The following CHSY1 variants were observed in gnomAD, a reference collection of about 807,000 sequenced individuals.
CHSY1 encodes N-acetylgalactosaminyl-proteoglycan 3-beta-glucuronosyltransferase 1.
Under a neutral mutation model 59.8 loss-of-function variants are expected in CHSY1, and 13 were observed. The ratio of observed to expected loss-of-function variants is 0.22; its 90% CI spans 0.14 to 0.35. The LOEUF is 0.35. Ranked by LOEUF, CHSY1 falls within the 10% of genes least tolerant of loss-of-function variation. The pLI, the probability that CHSY1 is intolerant of heterozygous loss-of-function variation, is 1.00. For missense variants in CHSY1, 947 were observed against 1,030.6 expected, an observed-to-expected ratio of 0.92 and a Z score of 1.11; for synonymous variants, 459 against 401.2, an observed-to-expected ratio of 1.14 and a Z score of -1.72.
At chr15:101,231,078 T>TA (rs2038888105) in intron 2 of CHSY1, among the ~76,000 whole-genome samples, 3 of 152,144 alleles carry the variant, frequency 2.0e-5, no homozygotes, top group Admixed American at 2.0e-4. Context: ...TATGGGGCTG[T>TA]AGGGGTGGTG....
intron 1 of CHSY1, among the ~76,000 whole-genome samples, chr15:101,241,244 C>T (rs542027205): frequency 6.6e-6 from 1 of 152,198 alleles, no homozygotes; most frequent in Non-Finnish European, 1.5e-5. Flanking sequence ...GCACCTGCCA[C>T]CACGCCCAGC....
intron 2 of CHSY1, among the ~76,000 whole-genome samples, chr15:101,231,082 G>T (rs993695459): frequency 2.6e-5 from 4 of 152,098 alleles, no homozygotes; most frequent in Non-Finnish European, 5.9e-5. Flanking sequence ...GGGCTGTAGG[G>T]GTGGTGGAGG....
intron 2 of CHSY1, among the ~76,000 whole-genome samples, chr15:101,188,729 G>A (rs903923297): frequency 1.6e-4 from 25 of 152,206 alleles, no homozygotes. Context: ...AACAAAAGCT[G>A]TTGCTAGTAA....
intron 2 of CHSY1, among the ~76,000 whole-genome samples, chr15:101,185,564 C>T (rs930207177): frequency 1.3e-5 from 2 of 151,960 alleles, no homozygotes; most frequent in Admixed American, 6.6e-5. Context: ...TCCCCCTTCC[C>T]CGCCTTCCCA....
At position 101,225,289 on chromosome 15, in the gene CHSY1, AACTCCTGG is replaced by A. The variant is rs2038829709; in HGVS notation, c.816+9785_816+9792del. On this transcript the variant is annotated intron_variant, in intron 2 of 2. Transcript: ENST00000254190. ...TACTATGTTGCCCAGGCTGGTCTTG[AACTCCTGG>A]GCTCAAGTGATTCTCCCACCTTGGT... Among the ~76,000 whole-genome samples, 9 of 151,584 alleles carry A rather than the reference AACTCCTGG, an allele frequency of 5.9e-5. No individual in the cohort carries two copies. In the South Asian group the frequency reaches 1.9e-3, roughly 32 times the overall value.
At chr15:101,217,821 A>T (rs1049331134) in intron 2 of CHSY1, among the ~76,000 whole-genome samples, 3 of 152,238 alleles carry the variant, frequency 2.0e-5, no homozygotes, top group African/African-American at 7.2e-5. Flanking sequence ...TCAAGGAAGG[A>T]GAGTGTAACT....
At chr15:101,241,985 A>G (rs2039007594) in intron 1 of CHSY1, among the ~76,000 whole-genome samples, 1 of 152,208 alleles carries the variant, frequency 6.6e-6, no homozygotes, top group South Asian at 2.1e-4. Context: ...TACCTAATAC[A>G]ATGTAAATGC....
Position 101,176,007 on chromosome 15 carries a change from G to A in CHSY1, c.*1381C>T. On this transcript the variant is annotated 3_prime_UTR_variant, in exon 3 of 3. Coordinates refer to ENST00000254190, the MANE Select transcript of CHSY1 (RefSeq NM_014918.5). ...ATAATGACAGATTCATTTCACTTTTGTCCCCAAAACACATGAGCACCAAAA... is the reference window on the plus strand; with the variant it reads ...ATAATGACAGATTCATTTCACTTTTATCCCCAAAACACATGAGCACCAAAA... 2.9e-6 allele frequency: 1 copy of A among 342,872 alleles called. No individual in the cohort carries two copies. The highest frequency in any genetic ancestry group is 5.2e-6 in the Non-Finnish European group (1 of 192,170). The allele number at this position is 342,872 out of a possible 1,614,324, so 21.2% of individuals were successfully genotyped here.
At chr15:101,220,871 T>C (rs966473688) in intron 2 of CHSY1, among the ~76,000 whole-genome samples, 1 of 152,194 alleles carries the variant, frequency 6.6e-6, no homozygotes, top group Non-Finnish European at 1.5e-5. Flanking sequence ...TTCCCAGATA[T>C]GACCATGGTT....
At chr15:101,235,050 G>C in intron 2 of CHSY1, 32 bp downstream of exon 2, 4 of 1,609,822 alleles carry the variant, frequency 2.5e-6, no homozygotes, top group Non-Finnish European at 3.4e-6. Context: ...ACAAAATTAA[G>C]TTTTTCCCAT....
Position 101,181,629 on chromosome 15 carries a change from C to A in CHSY1, c.817-2649G>T, listed in dbSNP as rs141171679. On this transcript the variant is annotated intron_variant, in intron 2 of 2. Coordinates refer to ENST00000254190, the MANE Select transcript of CHSY1 (RefSeq NM_014918.5). Reference sequence around the variant, plus strand: ...GTCATGCCACAGGTTCCCCATGGGTCTGCTTGCAGAATTCTGTTCCTCCCT... The same window carrying A: ...GTCATGCCACAGGTTCCCCATGGGTATGCTTGCAGAATTCTGTTCCTCCCT... Among the ~76,000 whole-genome samples the A allele has an allele frequency of 3.3e-3, 503 of 152,308 alleles. 5 individuals are homozygous for A. The highest frequency in any genetic ancestry group is 0.011 in the African/African-American group (461 of 41,568).
rs758330206 is a variant in CHSY1, at chr15:101,251,242, G to A, written c.215C>T (p.Pro72Leu). 21 of 1,555,326 alleles carry A rather than the reference G, an allele frequency of 1.4e-5. No homozygotes were observed. In the African/African-American group the frequency reaches 2.4e-4, roughly 17 times the overall value. ...GCCGCCATCTGGGTCCGAGCCGGGC[G>A]GCCAGAGCTGCGCCCCGCGCGCATC... is the stretch of plus-strand genomic sequence containing the variant. ...RGDARGAQLW[P>L]PGSDPDGGPR... The change falls in exon 1 of 3, where the codon CCG becomes CTG. Residue 72 changes from proline (P) to leucine (L), a missense_variant. By Grantham distance (98) the Pro-to-Leu change is moderately conservative. Coordinates refer to ENST00000254190, the MANE Select transcript of CHSY1 (RefSeq NM_014918.5).
intron 2 of CHSY1, among the ~76,000 whole-genome samples, chr15:101,199,309 C>A (rs532103602): frequency 6.6e-6 from 1 of 152,300 alleles, no homozygotes; most frequent in South Asian, 2.1e-4. Flanking sequence ...GGAGACCATC[C>A]TGGCTAACAT....
Position 101,251,448 on chromosome 15 carries a change from C to T in CHSY1, c.9G>A (p.Ala3=). 9.7e-7 allele frequency: 1 copy of T among 1,027,274 alleles called. No individual in the cohort carries two copies. Among genetic ancestry groups the T allele is most frequent in the South Asian group, 2.8e-5 (1 of 35,330 alleles). 63.6% of individuals were successfully genotyped at this position (1,027,274 alleles called of 1,614,324 possible). A position where few individuals can be genotyped will look rare whatever the true frequency, so the allele number is the denominator to read the frequency against. ...CGCTGAGCCAGGCGCGCCGGCCGCGCGCGGCCATGCCCGCGCCGCTCCGCC... is the reference window on the plus strand; with the variant it reads ...CGCTGAGCCAGGCGCGCCGGCCGCGTGCGGCCATGCCCGCGCCGCTCCGCC... MA[A]RGRRAWLSVL... The change falls in exon 1 of 3, where the codon GCG becomes GCA. Residue 3 remains alanine (A), a synonymous_variant. Transcript: ENST00000254190.
intron 2 of CHSY1, among the ~76,000 whole-genome samples, chr15:101,216,508 A>G (rs527741295): frequency 5.7e-4 from 87 of 152,372 alleles, no homozygotes; most frequent in Middle Eastern, 3.4e-3. Context: ...GTGAACAGAT[A>G]TGGTACATCC....
At chr15:101,234,598 G>A (rs554549860) in intron 2 of CHSY1, among the ~76,000 whole-genome samples, 4 of 152,342 alleles carry the variant, frequency 2.6e-5, no homozygotes, top group South Asian at 4.1e-4. Flanking sequence ...GCCGGGCGCC[G>A]TGGCTCACGC....
intron 2 of CHSY1, among the ~76,000 whole-genome samples, chr15:101,205,678 G>A (rs1473105687): frequency 6.6e-5 from 10 of 152,186 alleles, no homozygotes; most frequent in Non-Finnish European, 1.0e-4. Context: ...TTGGCCGGGC[G>A]TGGTGGCTCA....
chr15:101,228,344 T>A (rs1334063803), intron 2 of CHSY1, among the ~76,000 whole-genome samples: 2 of 152,044 alleles, frequency 1.3e-5, no homozygotes, highest in Non-Finnish European at 2.9e-5. Context: ...AATCTCCAAA[T>A]TTGATGAAAA....
chr15:101,197,029 T>C (rs2038515540), intron 2 of CHSY1, among the ~76,000 whole-genome samples: 1 of 152,240 alleles, frequency 6.6e-6, no homozygotes, highest in Non-Finnish European at 1.5e-5. Flanking sequence ...TATACATCTA[T>C]ACAGATACTC....
Sources: gnomAD v4.1 joint callset for allele counts (sites outside exome capture counted in the v4.1 genomes callset) on GRCh38, gnomAD v4.1.1 for gene constraint, MANE v1.5 for transcripts, NCBI Gene and HGNC (gene_info 2026-07-23, HGNC 2026-07-21) for gene names.